The following SLC41A3 variants were observed in gnomAD, a reference collection of about 807,000 sequenced individuals.
SLC41A3 encodes the protein solute carrier family 41 member 3.
SLC41A3 carries 44 observed loss-of-function variants against 45.4 expected under a neutral mutation model. The ratio of observed to expected loss-of-function variants is 0.97; its 90% confidence interval spans 0.76 to 1.25. The LOEUF is 1.25. Among genes scored for constraint, SLC41A3 ranks in the 50% most tolerant of loss-of-function variants. SLC41A3 has a pLI of 0.00. For synonymous variants in SLC41A3, 256 were observed against 252.4 expected, an observed-to-expected ratio of 1.01 and a Z score of -0.13; for missense variants, 550 against 600.6, an observed-to-expected ratio of 0.92 and a Z score of 0.88.
At chr3:126,008,200 A>G (rs568345399) in intron 10 of SLC41A3, among the ~76,000 whole-genome samples, 5 of 152,340 alleles carry the variant, frequency 3.3e-5, no homozygotes, top group Non-Finnish European at 7.3e-5. Flanking sequence ...CGTGTCTAGC[A>G]TGCAGTACAT....
chr3:126,052,509 G>C (rs1462348447), intron 2 of SLC41A3, among the ~76,000 whole-genome samples: 2 of 152,176 alleles, frequency 1.3e-5, no homozygotes, highest in African/African-American at 2.4e-5. Context: ...TGCTCTCTGA[G>C]CACTACTACC....
intron 3 of SLC41A3, among the ~76,000 whole-genome samples, chr3:126,040,014 G>C (rs939253355): frequency 1.4e-5 from 2 of 144,462 alleles, no homozygotes; most frequent in African/African-American, 2.6e-5. Context: ...GGCTCATTAG[G>C]GCCAGGGCAA....
At chr3:126,043,628 A>G (rs56177236) in intron 3 of SLC41A3, among the ~76,000 whole-genome samples, 1 of 152,260 alleles carries the variant, frequency 6.6e-6, no homozygotes, top group Non-Finnish European at 1.5e-5. Flanking sequence ...CCAAGTTCAG[A>G]GGCAGAGCTA....
intron 4 of SLC41A3, among the ~76,000 whole-genome samples, chr3:126,031,284 T>C (rs1451217136): frequency 2.0e-5 from 3 of 152,212 alleles, no homozygotes; most frequent in Non-Finnish European, 4.4e-5. Context: ...TTTTAGTCAT[T>C]TTGGAGGGAA....
chr3:126,029,802 G>A (rs1345628697), intron 4 of SLC41A3, among the ~76,000 whole-genome samples: 1 of 152,178 alleles, frequency 6.6e-6, no homozygotes, highest in Non-Finnish European at 1.5e-5. Context: ...TTTTAAAGCT[G>A]AAGGAATGAA....
chr3:126,039,320 T>A (rs1464894678), intron 3 of SLC41A3, among the ~76,000 whole-genome samples: 1 of 152,216 alleles, frequency 6.6e-6, no homozygotes. Flanking sequence ...TTCCAGGAAA[T>A]AAATCAGGAT....
chr3:126,073,669 G>A (rs72981577), intron 1 of SLC41A3, among the ~76,000 whole-genome samples: 6,394 of 151,942 alleles, frequency 0.042, 209 homozygotes, highest in East Asian at 0.15. Context: ...ATACTGACTC[G>A]TGAAGAAATA....
At chr3:126,048,503 A>G (rs1190665182) in intron 3 of SLC41A3, among the ~76,000 whole-genome samples, 1 of 152,138 alleles carries the variant, frequency 6.6e-6, no homozygotes, top group Non-Finnish European at 1.5e-5. Flanking sequence ...TTTCTAAGTG[A>G]TTTGCTTAGA....
intron 1 of SLC41A3, among the ~76,000 whole-genome samples, chr3:126,072,906 A>C (rs1253976189): frequency 6.6e-6 from 1 of 152,258 alleles, no homozygotes; most frequent in African/African-American, 2.4e-5. Context: ...AAGAATATGT[A>C]GTACATATGC....
At chr3:126,057,094 G>A in intron 2 of SLC41A3, 1 of 988,666 alleles carries the variant, frequency 1.0e-6, no homozygotes. Flanking sequence ...AGCACAGAGG[G>A]ACTGCCTCCT....
At position 126,026,768 on chromosome 3, in the gene SLC41A3, G is replaced by C. The variant is rs1355852181; in HGVS notation, c.454-289C>G. Among the ~76,000 whole-genome samples, 2 of 152,098 alleles carry C rather than the reference G, an allele frequency of 1.3e-5. No homozygotes were observed. The highest frequency in any genetic ancestry group is 4.8e-5 in the African/African-American group (2 of 41,414). On this transcript the variant is annotated intron_variant, in intron 4 of 10. Transcript: ENST00000360370. This position sits in a 1 kb window ranked among gnomAD's most constrained non-coding sequence, Gnocchi z 4.2. Reference sequence around the variant, plus strand: ...ATCATCTGCTCAGGCTTTGGTCAGGGGCCACCTGGTATCTTGCTGGCAACT... The same window carrying C: ...ATCATCTGCTCAGGCTTTGGTCAGGCGCCACCTGGTATCTTGCTGGCAACT...
chr3:126,019,464 T>G (rs543731997), intron 6 of SLC41A3, among the ~76,000 whole-genome samples: 1 of 152,212 alleles, frequency 6.6e-6, no homozygotes, highest in Admixed American at 6.5e-5. Flanking sequence ...AATACATTCA[T>G]TCCATCCCCA....
intron 1 of SLC41A3, among the ~76,000 whole-genome samples, chr3:126,071,497 G>C (rs1241234468): frequency 6.6e-6 from 1 of 152,114 alleles, no homozygotes; most frequent in Non-Finnish European, 1.5e-5. Context: ...CAATTTGACA[G>C]AATTTCAACA....
At chr3:126,082,354 T>C (rs897563643) in intron 1 of SLC41A3, among the ~76,000 whole-genome samples, 9 of 152,312 alleles carry the variant, frequency 5.9e-5, no homozygotes, top group African/African-American at 1.4e-4. Flanking sequence ...CATTGGGCAA[T>C]GTCTGCACAT....
chr3:126,015,620 C>A (rs1205195648), intron 7 of SLC41A3, 47 bp from the exon 8 acceptor site: 2 of 1,581,404 alleles, frequency 1.3e-6, no homozygotes, highest in Admixed American at 3.3e-5. Context: ...TTTACACTTA[C>A]AGTGGCCCTG....
intron 3 of SLC41A3, among the ~76,000 whole-genome samples, chr3:126,049,318 C>T (rs1385480694): frequency 2.0e-5 from 3 of 152,072 alleles, no homozygotes; most frequent in South Asian, 4.2e-4. Flanking sequence ...ATAACCCTGC[C>T]TCTGCTAAAA....
In SLC41A3 at chr3:126,008,723, C is replaced by T. The variant is rs1282804157; in HGVS notation, c.1254+9G>A. The T allele has an allele frequency of 1.2e-6, 2 of 1,613,258 alleles. No individual in the cohort carries two copies. The highest frequency in any genetic ancestry group is 1.7e-6 in the Non-Finnish European group (2 of 1,179,302). ...GCTGCGCACCTCTAATTGCTGCAGC[C>T]AGGCTTACCTGGATCAGGCCTGCCA... On this transcript the variant is annotated intron_variant, in intron 10 of 10. Coordinates refer to ENST00000360370, the MANE Select transcript of SLC41A3 (RefSeq NM_017836.4).
At chr3:126,057,482 G>A (rs1191857334) in intron 2 of SLC41A3, among the ~76,000 whole-genome samples, 3 of 152,222 alleles carry the variant, frequency 2.0e-5, no homozygotes, top group East Asian at 1.9e-4. Context: ...GCAGGCTGGG[G>A]CAGGCAGAAG....
rs569687092 is a variant in SLC41A3, at chr3:126,022,930, C to A, written c.601G>T (p.Val201Leu). Residue 201 changes from valine (V) to leucine (L), a missense_variant and splice_region_variant, in exon 6 of 11, where the codon GTG becomes TTG. Coordinates refer to ENST00000360370, the MANE Select transcript of SLC41A3 (RefSeq NM_017836.4). ...CCAATCACTATACAGACCATCAGCA[C>A]CCCTGCAGAGAGAGAGAGGAGAAAC... is the stretch of plus-strand genomic sequence containing the variant. ...TAFLAAFALG[V>L]LMVCIVIGAR... The A allele has an allele frequency of 1.7e-5, 27 of 1,613,976 alleles. No homozygotes were observed. Among genetic ancestry groups the A allele is most frequent in the South Asian group, 2.2e-5 (2 of 91,056 alleles).
Sources: allele counts gnomAD v4.1 joint callset (sites outside exome capture counted in the v4.1 genomes callset), GRCh38; gene constraint gnomAD v4.1.1; non-coding constraint Gnocchi (gnomAD v3.1); transcripts MANE v1.5; gene names NCBI Gene and HGNC (gene_info 2026-07-23, HGNC 2026-07-21).